Variants in MTUS2 observed in about 807,000 individuals in gnomAD.
The protein encoded by MTUS2 is microtubule-associated tumor suppressor candidate 2.
Under a neutral mutation model 114.1 loss-of-function variants are expected in MTUS2, and 40 were observed. That is an observed-to-expected ratio of 0.35 (90% CI 0.27 to 0.46). The LOEUF is 0.46. Among genes scored for constraint, MTUS2 ranks in the 20% least tolerant of loss-of-function variants. The probability of loss-of-function intolerance (pLI) is 1.00; values close to 1 mark genes in which losing one functional copy is unlikely to be tolerated. For synonymous variants in MTUS2, 688 were observed against 672.0 expected (o/e 1.02, Z -0.37); for missense variants, 1,679 against 1,705.4 (o/e 0.98, Z 0.27).
At chr13:29,446,695 G>T (rs1367486746) in intron 9 of MTUS2, among the ~76,000 whole-genome samples, 2 of 152,170 alleles carry the variant, frequency 1.3e-5, no homozygotes, top group African/African-American at 4.8e-5. Flanking sequence ...TATCTGTAAT[G>T]CAAAACGTGT....
intron 5 of MTUS2, among the ~76,000 whole-genome samples, chr13:29,177,555 C>T (rs933967096): frequency 6.6e-6 from 1 of 152,142 alleles, no homozygotes; most frequent in Non-Finnish European, 1.5e-5. Flanking sequence ...GAACCCTTCA[C>T]TAGTCGACAC....
chr13:29,265,599 G>A (rs571386151), intron 5 of MTUS2, among the ~76,000 whole-genome samples: 1 of 152,306 alleles, frequency 6.6e-6, no homozygotes, highest in African/African-American at 2.4e-5. Context: ...ATTGGCTCAT[G>A]GTTCTGCAGG....
chr13:29,002,989 G>T (rs761433028), intron 2 of MTUS2, among the ~76,000 whole-genome samples: 2 of 152,128 alleles, frequency 1.3e-5, no homozygotes, highest in African/African-American at 2.4e-5. Context: ...CTCCAATTGC[G>T]CACCAACCCT....
chr13:28,939,786 C>A (rs1307712114), intron 2 of MTUS2, among the ~76,000 whole-genome samples: 1 of 151,760 alleles, frequency 6.6e-6, no homozygotes, highest in Admixed American at 6.6e-5. Flanking sequence ...CGTTTTCATG[C>A]TGCTAACAAA....
At chr13:29,102,260 A>G (rs1023124943) in intron 5 of MTUS2, among the ~76,000 whole-genome samples, 12 of 152,208 alleles carry the variant, frequency 7.9e-5, no homozygotes, top group African/African-American at 2.4e-4. Context: ...ATTTTTATTA[A>G]TAAAATTCCT....
At chr13:29,085,924 T>C (rs1889672891) in intron 4 of MTUS2, among the ~76,000 whole-genome samples, 1 of 152,186 alleles carries the variant, frequency 6.6e-6, no homozygotes, top group African/African-American at 2.4e-5. Flanking sequence ...TTCCCTTTCA[T>C]CTTCAGCCTT....
At chr13:29,436,592 C>A (rs1469592097) in intron 8 of MTUS2, among the ~76,000 whole-genome samples, 1 of 152,114 alleles carries the variant, frequency 6.6e-6, no homozygotes, top group Admixed American at 6.5e-5. Flanking sequence ...GGCAGCCAAC[C>A]CTTCCTTGAA....
chr13:29,459,379 T>G (rs1277786715), intron 9 of MTUS2, among the ~76,000 whole-genome samples: 3 of 152,074 alleles, frequency 2.0e-5, no homozygotes, highest in Non-Finnish European at 4.4e-5. Context: ...AGGTCATCAG[T>G]TTGTTGATTA....
At chr13:28,984,357 G>A (rs550394195) in intron 2 of MTUS2, among the ~76,000 whole-genome samples, 1 of 152,240 alleles carries the variant, frequency 6.6e-6, no homozygotes, top group East Asian at 1.9e-4. Flanking sequence ...TCCTTCTGGG[G>A]GAAATTTTGG....
intron 2 of MTUS2, among the ~76,000 whole-genome samples, chr13:28,867,233 C>G (rs532744774): frequency 6.6e-6 from 1 of 152,324 alleles, no homozygotes; most frequent in East Asian, 1.9e-4. Flanking sequence ...TTCTATCATT[C>G]TTACTACTAA....
intron 10 of MTUS2, among the ~76,000 whole-genome samples, chr13:29,483,650 G>T (rs571280581): frequency 2.0e-5 from 3 of 152,340 alleles, no homozygotes; most frequent in African/African-American, 7.2e-5. Flanking sequence ...TGAGGGAGGG[G>T]CGCTGAGGGG....
chr13:29,409,417 G>A (rs1875046304), intron 8 of MTUS2, among the ~76,000 whole-genome samples: 1 of 152,058 alleles, frequency 6.6e-6, no homozygotes, highest in South Asian at 2.1e-4. Flanking sequence ...AAGTTACTTA[G>A]GTTAATTTTT....
intron 1 of MTUS2, among the ~76,000 whole-genome samples, chr13:28,828,174 G>T (rs1048335717): frequency 3.3e-5 from 5 of 152,148 alleles, no homozygotes; most frequent in African/African-American, 9.7e-5. Context: ...CTGAGAAAAA[G>T]AATTCAGCGA....
chr13:28,980,574 A>G (rs1884315051), intron 2 of MTUS2, among the ~76,000 whole-genome samples: 1 of 152,192 alleles, frequency 6.6e-6, no homozygotes, highest in Admixed American at 6.5e-5. Flanking sequence ...CATTATCAGA[A>G]AACAGGGAGC....
intron 9 of MTUS2, among the ~76,000 whole-genome samples, chr13:29,472,481 G>A (rs766971094): frequency 1.1e-4 from 17 of 152,288 alleles, no homozygotes; most frequent in African/African-American, 3.6e-4. Context: ...ACCACCTTGC[G>A]GATGTTCCTG....
chr13:29,463,043 T>C (rs771026287), intron 9 of MTUS2, among the ~76,000 whole-genome samples: 81 of 152,126 alleles, frequency 5.3e-4, no homozygotes, highest in Non-Finnish European at 9.9e-4. Context: ...AGGGAAGTTA[T>C]AGGCTCAGAG....
At chr13:29,152,674 T>G (rs1013037367) in intron 5 of MTUS2, among the ~76,000 whole-genome samples, 3 of 152,090 alleles carry the variant, frequency 2.0e-5, no homozygotes, top group Non-Finnish European at 2.9e-5. Context: ...GACCCTTCTG[T>G]AGAGATGCCT....
intron 5 of MTUS2, among the ~76,000 whole-genome samples, chr13:29,216,598 C>T (rs1895692108): frequency 6.6e-6 from 1 of 152,154 alleles, no homozygotes; most frequent in South Asian, 2.1e-4. Context: ...TTATGGCTTC[C>T]CTTGGCTATG....
intron 8 of MTUS2, among the ~76,000 whole-genome samples, chr13:29,373,628 T>C (rs1026899689): frequency 6.6e-6 from 1 of 152,172 alleles, no homozygotes; most frequent in Non-Finnish European, 1.5e-5. Context: ...GGGAGGCACA[T>C]GAGGTATGGA....
Sources: allele counts gnomAD v4.1 joint callset (sites outside exome capture counted in the v4.1 genomes callset), GRCh38; gene constraint gnomAD v4.1.1; transcripts MANE v1.5; gene names NCBI Gene and HGNC (gene_info 2026-07-23, HGNC 2026-07-21).